Variants in ARMC9 observed in about 807,000 individuals in gnomAD.
The protein encoded by ARMC9 is lisH domain-containing protein ARMC9.
In ARMC9, 94 loss-of-function variants were observed where a neutral mutation model predicts 107.0. The observed-to-expected ratio is 0.88, with a 90% CI of 0.74 to 1.04. The LOEUF is 1.04. ARMC9 is among the 50% of genes least tolerant of loss of function. ARMC9 has a pLI of 0.00. For synonymous variants in ARMC9, 380 were observed against 396.9 expected (o/e 0.96, Z 0.51); for missense variants, 942 against 1,030.1 (o/e 0.91, Z 1.17).
chr2:231,314,522 G>A (rs956081825), intron 19 of ARMC9, among the ~76,000 whole-genome samples: 5 of 152,076 alleles, frequency 3.3e-5, no homozygotes, highest in Non-Finnish European at 7.4e-5. Context: ...CTCAACCTTG[G>A]CACTATTGAC....
chr2:231,299,291 G>A (rs897470989), intron 19 of ARMC9, among the ~76,000 whole-genome samples: 4 of 152,026 alleles, frequency 2.6e-5, no homozygotes, highest in Non-Finnish European at 2.9e-5. Flanking sequence ...CAATAATTTC[G>A]GAAAAAGCAA....
intron 24 of ARMC9, among the ~76,000 whole-genome samples, chr2:231,370,865 G>C (rs1049614064): frequency 6.6e-6 from 1 of 152,248 alleles, no homozygotes; most frequent in East Asian, 1.9e-4. Context: ...CAGGCAGGAC[G>C]AAAGGAGTCC....
intron 23 of ARMC9, among the ~76,000 whole-genome samples, chr2:231,369,303 ATTTTT>A (rs1340916881): frequency 2.7e-5 from 4 of 149,164 alleles, no homozygotes; most frequent in Non-Finnish European, 6.0e-5. Flanking sequence ...TTTTTATTTT[ATTTTT>A]TTGAGACAGA....
At chr2:231,283,775 G>C (rs1453473734) in intron 17 of ARMC9, among the ~76,000 whole-genome samples, 4 of 152,116 alleles carry the variant, frequency 2.6e-5, no homozygotes, top group African/African-American at 9.7e-5. Flanking sequence ...CTTTTGCCCA[G>C]GCTGGAGTGC....
chr2:231,341,929 C>T (rs903679827), intron 20 of ARMC9, among the ~76,000 whole-genome samples: 11 of 152,142 alleles, frequency 7.2e-5, no homozygotes, highest in African/African-American at 2.7e-4. Flanking sequence ...TGATGAAAGC[C>T]GGGTTCTCTG....
chr2:231,347,159 T>C (rs947539295), intron 21 of ARMC9, among the ~76,000 whole-genome samples: 1 of 152,166 alleles, frequency 6.6e-6, no homozygotes, highest in Non-Finnish European at 1.5e-5. Flanking sequence ...CCCTCTGATA[T>C]GTGGGGGTGG....
At chr2:231,291,531 T>C in intron 18 of ARMC9, 88 bp downstream of exon 18, 1 of 1,376,022 alleles carries the variant, frequency 7.3e-7, no homozygotes, top group African/African-American at 1.4e-5. Context: ...AAGAGGCCTT[T>C]AGGAAGCCGG....
At chr2:231,265,128 C>T (rs1043021397) in intron 12 of ARMC9, among the ~76,000 whole-genome samples, 3 of 151,876 alleles carry the variant, frequency 2.0e-5, no homozygotes, top group Non-Finnish European at 2.9e-5. Flanking sequence ...ATGAGCTGAA[C>T]GCTTGAACCC....
At chr2:231,259,231 A>G in intron 11 of ARMC9, 129 bp downstream of exon 11, 1 of 803,160 alleles carries the variant, frequency 1.2e-6, no homozygotes, top group Non-Finnish European at 1.9e-6. Flanking sequence ...GCTGACACCA[A>G]GAACGGAAGT....
At position 231,360,407 on chromosome 2, in the gene ARMC9, C is replaced by T. The variant is rs192068692; in HGVS notation, c.2132-347C>T. On this transcript the variant is annotated intron_variant, in intron 22 of 24. Coordinates refer to ENST00000611582, the MANE Select transcript of ARMC9 (RefSeq NM_001352754.2). This position sits in a 1 kb window ranked among gnomAD's most constrained non-coding sequence, Gnocchi z 4.7. ...TTGAGTTTCAGATAAGCAAATGGGC[C>T]TCCACATTCTGTCTGGGGGCGCCTA... Among the ~76,000 whole-genome samples, 520 of 152,340 alleles carry T rather than the reference C, an allele frequency of 3.4e-3. 4 individuals carry two copies. The highest frequency in any genetic ancestry group is 3.3e-3 in the Non-Finnish European group (223 of 68,026).
chr2:231,263,612 T>G (rs1305125230), intron 12 of ARMC9, among the ~76,000 whole-genome samples: 1 of 152,242 alleles, frequency 6.6e-6, no homozygotes, highest in Non-Finnish European at 1.5e-5. Flanking sequence ...GGTGGGGACA[T>G]TGAAACCATA....
At chr2:231,220,049 G>A (rs568687599) in intron 5 of ARMC9, among the ~76,000 whole-genome samples, 5 of 152,106 alleles carry the variant, frequency 3.3e-5, no homozygotes, top group African/African-American at 9.6e-5. Flanking sequence ...CATTGTGCTC[G>A]CCATACCTTT....
intron 19 of ARMC9, among the ~76,000 whole-genome samples, chr2:231,304,349 A>T (rs1362379561): frequency 6.6e-6 from 1 of 152,112 alleles, no homozygotes; most frequent in African/African-American, 2.4e-5. Context: ...ATTATAATTC[A>T]TTGATCATTT....
rs533955532 is a variant in ARMC9 at position 231,243,369 on chromosome 2, C to T, written c.879+3328C>T. 2.6e-5 allele frequency among the ~76,000 whole-genome samples: 4 copies of T among 152,242 alleles called. No homozygotes were observed. In the South Asian group the frequency reaches 8.3e-4, roughly 32 times the overall value. On this transcript the variant is annotated intron_variant, in intron 9 of 24. Transcript: ENST00000611582. ...TTGAGGCTACAGCAAGAGGAGATCG[C>T]ACCACTGCACTCCAGCCTGGGTGAC...
At chr2:231,363,883 C>CAAAAAAAAAAAAAAAAAAAAAAAAA (rs1176736980) in intron 23 of ARMC9, among the ~76,000 whole-genome samples, 1 of 16,268 alleles carries the variant, frequency 6.1e-5, no homozygotes, top group Non-Finnish European at 1.3e-4. Context: ...GACTCCGTCT[C>CAAAAAAAAAAAAAAAAAAAAAAAAA]AAAAAAAAAA....
At chr2:231,361,042 T>G (rs1256094139) in intron 23 of ARMC9, among the ~76,000 whole-genome samples, 159 bp downstream of exon 23, 1 of 152,072 alleles carries the variant, frequency 6.6e-6, no homozygotes, top group Non-Finnish European at 1.5e-5. Context: ...CCCAGCGGAG[T>G]GCAGCCGCCA....
intron 22 of ARMC9, among the ~76,000 whole-genome samples, chr2:231,356,198 G>A (rs1030514196): frequency 3.9e-5 from 6 of 152,152 alleles, no homozygotes; most frequent in Admixed American, 1.3e-4. Flanking sequence ...GGTGAAAGCC[G>A]GCTTTAATGT....
At chr2:231,205,511 G>C (rs2031840805) in intron 1 of ARMC9, among the ~76,000 whole-genome samples, 1 of 152,216 alleles carries the variant, frequency 6.6e-6, no homozygotes, top group Non-Finnish European at 1.5e-5. Flanking sequence ...TTCCTCTGGG[G>C]TTACGGGCAA....
At position 231,345,029 on chromosome 2, in the gene ARMC9, A is replaced by G. The variant is rs2044735948; in HGVS notation, c.1933A>G (p.Ser645Gly). The stretch of plus-strand genomic sequence containing the variant: ...GAAGGGGCTGGCTAATGTGCAGTGG[A>G]GCGGGGATGAGCCCCTGCAAAGGCC... ...RRKGLANVQWSGDEPLQRPVT... is the reference protein window; with the variant it reads ...RRKGLANVQWGGDEPLQRPVT... Residue 645 changes from serine (S) to glycine (G), a missense_variant, in exon 21 of 25, where the codon AGC becomes GGC. Physicochemically the swap from Ser to Gly is moderately conservative, Grantham distance 56 (BLOSUM62 0). Coordinates refer to ENST00000611582, the MANE Select transcript of ARMC9 (RefSeq NM_001352754.2). 2 of 1,614,066 alleles carry G rather than the reference A, an allele frequency of 1.2e-6. No individual in the cohort carries two copies. Among genetic ancestry groups the G allele is most frequent in the Non-Finnish European group, 1.7e-6 (2 of 1,180,022 alleles).
Sources: gnomAD v4.1 joint callset for allele counts (sites outside exome capture counted in the v4.1 genomes callset) on GRCh38, gnomAD v4.1.1 for gene constraint, Gnocchi (gnomAD v3.1) non-coding constraint, MANE v1.5 for transcripts, NCBI Gene and HGNC (gene_info 2026-07-23, HGNC 2026-07-21) for gene names.